Variants in EIF4G3 observed in about 807,000 individuals in gnomAD.
EIF4G3 encodes the protein eIF-4-gamma 3.
Under a neutral mutation model 186.4 loss-of-function variants are expected in EIF4G3, and 34 were observed. That is an observed-to-expected ratio of 0.18 (90% CI 0.14 to 0.24). The LOEUF is 0.24. Among genes scored for constraint, EIF4G3 ranks in the 10% least tolerant of loss-of-function variants. EIF4G3 has a pLI of 1.00. For missense variants in EIF4G3, 1,536 were observed against 1,948.5 expected (o/e 0.79, Z 3.99); for synonymous variants, 673 against 679.5 (o/e 0.99, Z 0.15).
chr1:21,172,662 C>T (rs1314502911), intron 2 of EIF4G3, among the ~76,000 whole-genome samples: 1 of 152,068 alleles, frequency 6.6e-6, no homozygotes, highest in Non-Finnish European at 1.5e-5. Context: ...CATTCTCCTG[C>T]CTCAGCCTAC....
intron 30 of EIF4G3, among the ~76,000 whole-genome samples, chr1:20,838,249 AG>A (rs1340825975): frequency 5.3e-5 from 8 of 152,328 alleles, no homozygotes; most frequent in African/African-American, 1.9e-4. Context: ...CAATAAAGGT[AG>A]ACTATGCTTC....
chr1:20,917,484 G>A, intron 14 of EIF4G3, among the ~76,000 whole-genome samples: 1 of 152,148 alleles, frequency 6.6e-6, no homozygotes, highest in East Asian at 1.9e-4. Flanking sequence ...TCCAACCTAG[G>A]TAACAGAGTG....
chr1:20,952,101 T>TATA (rs2096246283), intron 12 of EIF4G3, among the ~76,000 whole-genome samples: 1 of 152,038 alleles, frequency 6.6e-6, no homozygotes. Context: ...TATCATTTTA[T>TATA]AAGCCTCCAA....
At chr1:20,882,203 AC>A (rs761531107) in intron 19 of EIF4G3, among the ~76,000 whole-genome samples, 1,621 of 151,518 alleles carry the variant, frequency 0.011, 29 homozygotes, top group Middle Eastern at 0.028. Context: ...ACACACACAC[AC>A]ACACACACAC....
intron 3 of EIF4G3, among the ~76,000 whole-genome samples, chr1:21,054,585 T>C (rs192436091): frequency 6.6e-6 from 1 of 152,340 alleles, no homozygotes; most frequent in African/African-American, 2.4e-5. Context: ...ATATTCATAA[T>C]GCAAAGAAAT....
intron 2 of EIF4G3, among the ~76,000 whole-genome samples, chr1:21,154,999 A>T (rs1014071192): frequency 3.9e-5 from 6 of 152,160 alleles, no homozygotes; most frequent in African/African-American, 1.4e-4. Flanking sequence ...ACAGTGGCTC[A>T]CGCCTGTAAT....
At chr1:21,093,379 T>C (rs1386069183) in intron 2 of EIF4G3, among the ~76,000 whole-genome samples, 1 of 152,084 alleles carries the variant, frequency 6.6e-6, no homozygotes, top group Non-Finnish European at 1.5e-5. Flanking sequence ...ATCAGAGAAA[T>C]GCAAATCAAA....
chr1:20,949,800 A>G (rs2096126171), intron 13 of EIF4G3, among the ~76,000 whole-genome samples: 1 of 152,172 alleles, frequency 6.6e-6, no homozygotes, highest in African/African-American at 2.4e-5. Context: ...AGATTAAACA[A>G]ATGTATGAAA....
In EIF4G3 at chr1:21,175,934, C is replaced by A. The variant is rs2098093952; in HGVS notation, c.-272+241G>T. On this transcript the variant is annotated intron_variant, in intron 2 of 36. Coordinates refer to ENST00000602326, the MANE Select transcript of EIF4G3 (RefSeq NM_001391906.1). ...GACCCCAAGCTCTAAAAGGAAGGGG[C>A]TGCAGAAGCATGGCCAAGTGGGGCT... The A allele has an allele frequency of 1.9e-5, 4 of 215,042 alleles. No homozygotes were observed. The South Asian group carries it at 5.5e-4, about 30-fold the overall frequency. The allele number at this position is 215,042 out of a possible 1,614,324, so 13.3% of individuals were successfully genotyped here.
intron 14 of EIF4G3, among the ~76,000 whole-genome samples, chr1:20,917,143 G>A (rs181938070): frequency 6.6e-6 from 1 of 152,072 alleles, no homozygotes; most frequent in Non-Finnish European, 1.5e-5. Flanking sequence ...TCCATACTCG[G>A]CAATTTTTAA....
At chr1:20,990,546 C>G (rs1477047850) in intron 7 of EIF4G3, among the ~76,000 whole-genome samples, 3 of 152,126 alleles carry the variant, frequency 2.0e-5, no homozygotes, top group African/African-American at 4.8e-5. Context: ...GTGGCACATG[C>G]CTGTAATCTC....
intron 20 of EIF4G3, among the ~76,000 whole-genome samples, chr1:20,871,583 C>T (rs372597052): frequency 1.3e-5 from 2 of 152,134 alleles, no homozygotes; most frequent in East Asian, 3.8e-4. Context: ...TAAGGGAATT[C>T]TTTTAAATGC....
intron 14 of EIF4G3, among the ~76,000 whole-genome samples, chr1:20,923,511 A>G (rs1256677283): frequency 3.3e-5 from 5 of 152,190 alleles, no homozygotes; most frequent in Non-Finnish European, 5.9e-5. Flanking sequence ...AAAGTCAATC[A>G]CTACAGCACA....
intron 12 of EIF4G3, among the ~76,000 whole-genome samples, chr1:20,954,761 T>C (rs1223436125): frequency 6.6e-6 from 1 of 152,134 alleles, no homozygotes; most frequent in Non-Finnish European, 1.5e-5. Flanking sequence ...GAGCTTATAT[T>C]CTATCAAAGG....
chr1:21,038,855 G>C (rs567157301), intron 4 of EIF4G3, among the ~76,000 whole-genome samples: 6 of 152,224 alleles, frequency 3.9e-5, no homozygotes, highest in African/African-American at 1.2e-4. Context: ...CTTAGAAAAA[G>C]AATGTTGTGT....
chr1:21,129,520 G>C (rs1027057500), intron 2 of EIF4G3, among the ~76,000 whole-genome samples: 2 of 152,052 alleles, frequency 1.3e-5, no homozygotes, highest in Non-Finnish European at 2.9e-5. Context: ...CTTCATGACA[G>C]AAACTGGAGA....
intron 12 of EIF4G3, among the ~76,000 whole-genome samples, chr1:20,968,799 G>A (rs2075249775): frequency 6.6e-6 from 1 of 152,150 alleles, no homozygotes; most frequent in South Asian, 2.1e-4. Flanking sequence ...GTAATTTAGA[G>A]ATTATTTAAA....
chr1:20,813,892 T>G (rs7520481), intron 34 of EIF4G3, among the ~76,000 whole-genome samples: 85,464 of 146,286 alleles, frequency 0.58, 25,273 homozygotes, highest in East Asian at 0.83. Context: ...GCGTATCAGA[T>G]AAATGATCTC....
intron 4 of EIF4G3, among the ~76,000 whole-genome samples, chr1:21,011,304 A>C (rs2087004821): frequency 6.6e-6 from 1 of 152,082 alleles, no homozygotes. Flanking sequence ...CAGGTAATTG[A>C]CAAAAGAATG....
Sources: gnomAD v4.1 joint callset for allele counts (sites outside exome capture counted in the v4.1 genomes callset) on GRCh38, gnomAD v4.1.1 for gene constraint, MANE v1.5 for transcripts, NCBI Gene and HGNC (gene_info 2026-07-23, HGNC 2026-07-21) for gene names.